USP12: variants seen among roughly 807,000 people sequenced by gnomAD.
USP12 encodes the protein ubiquitin carboxyl-terminal hydrolase 12.
USP12 carries 19 observed loss-of-function variants against 45.5 expected under a neutral mutation model. The ratio of observed to expected loss-of-function variants is 0.42; its 90% CI spans 0.29 to 0.61. The LOEUF (loss-of-function observed/expected upper bound fraction) is 0.61, where lower values mean the gene tolerates loss of function less well. USP12 is among the 20% of genes least tolerant of loss of function. The pLI is 0.22. For missense variants in USP12, 242 were observed against 447.7 expected (o/e 0.54, Z 4.15); for synonymous variants, 149 against 148.8 (o/e 1.00, Z -0.01).
At chr13:27,085,875 T>A (rs955017345) in intron 6 of USP12, among the ~76,000 whole-genome samples, 2 of 151,924 alleles carry the variant, frequency 1.3e-5, no homozygotes, top group African/African-American at 4.8e-5. Context: ...ACAAAAAAAA[T>A]ATACTATGCA....
intron 1 of USP12, among the ~76,000 whole-genome samples, chr13:27,119,639 G>A (rs193035625): frequency 2.0e-5 from 3 of 152,232 alleles, no homozygotes; most frequent in Non-Finnish European, 4.4e-5. Flanking sequence ...ACATTCTATC[G>A]TTTCCGATCA....
chr13:27,094,662 C>A (rs1444210679), intron 4 of USP12, among the ~76,000 whole-genome samples: 1 of 151,626 alleles, frequency 6.6e-6, no homozygotes, highest in African/African-American at 2.4e-5. Context: ...GAATGCATAA[C>A]CTGCATCTAG....
At position 27,069,418 on chromosome 13, in the gene USP12, T is replaced by C. The variant is rs548819999; in HGVS notation, c.1012-34A>G. 9 of 1,482,714 alleles carry C rather than the reference T, an allele frequency of 6.1e-6. No homozygotes were observed. In the African/African-American group the frequency reaches 1.2e-4, roughly 20 times the overall value. 91.8% of individuals were successfully genotyped at this position (1,482,714 alleles called of 1,614,324 possible). A position where few individuals can be genotyped will look rare whatever the true frequency, so the allele number is the denominator to read the frequency against. On this transcript the variant is annotated intron_variant, in intron 8 of 8. Transcript: ENST00000282344. ...TAAAATGTAAACATTAGTACATAAA[T>C]GAGCTCTGTACAGCCAGAATGGCTT... is the stretch of plus-strand genomic sequence containing the variant.
chr13:27,112,915 C>T (rs1875525157), intron 2 of USP12, among the ~76,000 whole-genome samples: 1 of 152,198 alleles, frequency 6.6e-6, no homozygotes, highest in South Asian at 2.1e-4. Context: ...GTTTTAACCA[C>T]CATAATGTCA....
At chr13:27,084,497 GAAAAA>G (rs397851869) in intron 6 of USP12, among the ~76,000 whole-genome samples, 3 of 98,512 alleles carry the variant, frequency 3.0e-5, no homozygotes, top group African/African-American at 4.1e-5. Flanking sequence ...ACAGTGAGAT[GAAAAA>G]AAAAAAAAAA....
chr13:27,163,801 AAAG>A (rs1423385504), intron 1 of USP12, among the ~76,000 whole-genome samples: 4 of 151,654 alleles, frequency 2.6e-5, no homozygotes, highest in South Asian at 2.1e-4. Flanking sequence ...AAAAAAAAGA[AAAG>A]AAGCTACAGG....
At chr13:27,152,953 A>G (rs1413073615) in intron 1 of USP12, among the ~76,000 whole-genome samples, 1 of 151,568 alleles carries the variant, frequency 6.6e-6, no homozygotes, top group African/African-American at 2.4e-5. Flanking sequence ...AAAAAAAAAA[A>G]AAAAAAGAAA....
intron 2 of USP12, among the ~76,000 whole-genome samples, chr13:27,107,550 CTG>C (rs1423567668): frequency 6.6e-6 from 1 of 152,140 alleles, no homozygotes; most frequent in African/African-American, 2.4e-5. Context: ...AAATGTATGT[CTG>C]TGTGCATGCA....
At chr13:27,157,044 A>G (rs1258330099) in intron 1 of USP12, among the ~76,000 whole-genome samples, 2 of 152,246 alleles carry the variant, frequency 1.3e-5, no homozygotes, top group African/African-American at 4.8e-5. Context: ...CTATGGGTCC[A>G]TCTCATAGAT....
chr13:27,162,663 T>C (rs199658395), intron 1 of USP12, among the ~76,000 whole-genome samples: 44 of 152,322 alleles, frequency 2.9e-4, no homozygotes, highest in South Asian at 1.5e-3. Context: ...GTTAAAGAGA[T>C]TGCCCTTTCA....
chr13:27,128,529 A>C (rs1335232987), intron 1 of USP12, among the ~76,000 whole-genome samples: 1 of 152,200 alleles, frequency 6.6e-6, no homozygotes, highest in Non-Finnish European at 1.5e-5. Flanking sequence ...ACCTTACCTA[A>C]GGCAAAAAGG....
At chr13:27,091,856 C>T (rs949329951) in intron 4 of USP12, among the ~76,000 whole-genome samples, 2 of 152,200 alleles carry the variant, frequency 1.3e-5, no homozygotes, top group African/African-American at 4.8e-5. Context: ...TGAGACATTA[C>T]CAATTGCATT....
At chr13:27,164,737 C>A (rs939441980) in intron 1 of USP12, among the ~76,000 whole-genome samples, 3 of 152,154 alleles carry the variant, frequency 2.0e-5, no homozygotes, top group Non-Finnish European at 4.4e-5. Context: ...GCAAGTGTAA[C>A]TCTTCATAAT....
chr13:27,114,796 C>G (rs1171014235), intron 2 of USP12, among the ~76,000 whole-genome samples: 10 of 150,004 alleles, frequency 6.7e-5, no homozygotes, highest in African/African-American at 2.5e-4. Context: ...CAAACTTGAG[C>G]AATATAGCAA....
At chr13:27,113,296 C>T (rs1875553942) in intron 2 of USP12, among the ~76,000 whole-genome samples, 1 of 152,046 alleles carries the variant, frequency 6.6e-6, no homozygotes, top group Non-Finnish European at 1.5e-5. Flanking sequence ...AAACAAAAAA[C>T]CCAGACAAAT....
chr13:27,087,955 C>T (rs1478254866), intron 6 of USP12, among the ~76,000 whole-genome samples: 1 of 152,192 alleles, frequency 6.6e-6, no homozygotes, highest in African/African-American at 2.4e-5. Context: ...TATTTACAAT[C>T]TCAAAATGCT....
intron 4 of USP12, among the ~76,000 whole-genome samples, chr13:27,094,632 G>A (rs1305856994): frequency 6.6e-6 from 1 of 151,686 alleles, no homozygotes; most frequent in Non-Finnish European, 1.5e-5. Flanking sequence ...CAACATGAAT[G>A]ATATATTATT....
chr13:27,101,230 T>A (rs1874850239), intron 3 of USP12, among the ~76,000 whole-genome samples: 1 of 152,226 alleles, frequency 6.6e-6, no homozygotes, highest in African/African-American at 2.4e-5. Flanking sequence ...AATTTTGCTG[T>A]ATGTGAAAGC....
chr13:27,131,287 C>T (rs981647312), intron 1 of USP12, among the ~76,000 whole-genome samples: 1 of 152,148 alleles, frequency 6.6e-6, no homozygotes, highest in African/African-American at 2.4e-5. Context: ...GCAGTGAGCT[C>T]CACCACCACT....
Sources: gnomAD v4.1 joint callset for allele counts (sites outside exome capture counted in the v4.1 genomes callset) on GRCh38, gnomAD v4.1.1 for gene constraint, MANE v1.5 for transcripts, NCBI Gene and HGNC (gene_info 2026-07-23, HGNC 2026-07-21) for gene names.